Variants in RIBC2 observed in about 807,000 individuals in gnomAD.
RIBC2 encodes RIB43A-like with coiled-coils protein 2.
RIBC2 carries 40 observed loss-of-function variants against 44.3 expected under a neutral mutation model. The observed-to-expected ratio is 0.90, with a 90% confidence interval of 0.70 to 1.18. The LOEUF (loss-of-function observed/expected upper bound fraction) is 1.18. Ranked by LOEUF, RIBC2 falls within the 50% of genes most tolerant of loss-of-function variation. The pLI, the probability that RIBC2 is intolerant of heterozygous loss-of-function variation, is 0.00. For synonymous variants in RIBC2, 171 were observed against 175.0 expected (o/e 0.98, Z 0.18); for missense variants, 459 against 485.5 (o/e 0.95, Z 0.51).
chr22:45,427,737 C>T (rs934573637), intron 5 of RIBC2, among the ~76,000 whole-genome samples: 4 of 152,248 alleles, frequency 2.6e-5, no homozygotes, highest in South Asian at 2.1e-4. Flanking sequence ...TGAGTTCAAG[C>T]GATTCTCCTG....
At chr22:45,429,435 G>A (rs1050192719) in intron 5 of RIBC2, among the ~76,000 whole-genome samples, 1 of 152,182 alleles carries the variant, frequency 6.6e-6, no homozygotes, top group Non-Finnish European at 1.5e-5. Flanking sequence ...AAGAGTGGGT[G>A]GAAGAGGCCA....
Position 45,426,163 on chromosome 22 carries a change from C to T in RIBC2, c.891C>T (p.Ile297=). The change falls in exon 5 of 7, where the codon ATC becomes ATT. Residue 297 remains isoleucine (I), a synonymous_variant. Coordinates refer to ENST00000614167, the MANE Select transcript of RIBC2 (RefSeq NM_015653.5). The part of the protein sequence containing the change: ...EQIRLVQKQQ[I]QEKLRLQEEK... ...TCCGCCTAGTCCAGAAGCAGCAAATCCAGGAGAAGCTGGTGACTGCCCCGC... is the reference window on the plus strand; with the variant it reads ...TCCGCCTAGTCCAGAAGCAGCAAATTCAGGAGAAGCTGGTGACTGCCCCGC... The T allele has an allele frequency of 6.2e-7, 1 of 1,613,458 alleles. No individual in the cohort carries two copies. Among genetic ancestry groups the T allele is most frequent in the East Asian group, 2.2e-5 (1 of 44,876 alleles).
intron 2 of RIBC2, among the ~76,000 whole-genome samples, chr22:45,416,554 C>T (rs530320837): frequency 2.5e-4 from 38 of 151,968 alleles, no homozygotes; most frequent in Non-Finnish European, 4.9e-4. Context: ...CTCTGCCTCC[C>T]GGGTTCAAGC....
chr22:45,425,778 G>A lies in RIBC2; in HGVS notation c.676-170G>A, dbSNP rs564882324. ...GCCCAGCAGTGCGCAGGCAGCCAGG[G>A]GTTCAAGGACCCACCCACATCCGTG... On this transcript the variant is annotated intron_variant, in intron 4 of 6. Transcript: ENST00000614167. Among the ~76,000 whole-genome samples the A allele has an allele frequency of 2.6e-5, 4 of 152,122 alleles. No homozygotes were observed. The East Asian group carries it at 5.8e-4, about 22-fold the overall frequency.
At chr22:45,421,515 TA>T (rs200698888) in intron 3 of RIBC2, among the ~76,000 whole-genome samples, 3,417 of 46,976 alleles carry the variant, frequency 0.073, 193 homozygotes, top group African/African-American at 0.34. Flanking sequence ...ATAGTATTAT[TA>T]ATAATAATAA....
chr22:45,417,141 TC>T (rs2087432837), intron 2 of RIBC2, among the ~76,000 whole-genome samples: 1 of 152,120 alleles, frequency 6.6e-6, no homozygotes, highest in African/African-American at 2.4e-5. Context: ...TCTCAGGTGA[TC>T]CGCCCACCTC....
chr22:45,414,161 T>G, intron 1 of RIBC2, 146 bp downstream of exon 1: 1 of 1,478,730 alleles, frequency 6.8e-7, no homozygotes, highest in South Asian at 1.4e-5. Context: ...ATGCTCCCTC[T>G]CGAGCTCGCC....
intron 2 of RIBC2, among the ~76,000 whole-genome samples, chr22:45,415,449 TTTTA>T (rs1387984028): frequency 6.6e-6 from 1 of 152,080 alleles, no homozygotes. Flanking sequence ...ATTTTATCTT[TTTTA>T]TTAATATTTT....
intron 2 of RIBC2, among the ~76,000 whole-genome samples, chr22:45,417,350 G>A (rs976637429): frequency 6.6e-5 from 10 of 152,040 alleles, no homozygotes; most frequent in African/African-American, 1.9e-4. Flanking sequence ...TTTTTGGAGG[G>A]TTGTATTACT....
In RIBC2 at chr22:45,432,305, C is replaced by A. The variant is rs757803429; in HGVS notation, c.1092C>A (p.Val364=). 1 of 1,585,178 alleles carries A rather than the reference C, an allele frequency of 6.3e-7. No homozygotes were observed. The highest frequency in any genetic ancestry group is 8.6e-7 in the Non-Finnish European group (1 of 1,159,020). ...QHLQKKYMNE[V]YTNQPTGDYF... ...TCAGGAAAAAATATATGAATGAAGT[C>A]TATACAAATCAACCCACGGGAGACT... is the stretch of plus-strand genomic sequence containing the variant. Residue 364 remains valine (V), a synonymous_variant, in exon 7 of 7, where the codon GTC becomes GTA. Coordinates refer to ENST00000614167, the MANE Select transcript of RIBC2 (RefSeq NM_015653.5).
Position 45,431,130 on chromosome 22 carries a change from G to A in RIBC2, c.1070+64G>A, listed in dbSNP as rs2087577023. ...GGTGGAGGGACCGCGGGGCTGTGGA[G>A]GTCAAGGACGAGGAGGGGGCAGGAG... On this transcript the variant is annotated intron_variant, in intron 6 of 6. Coordinates refer to ENST00000614167, the MANE Select transcript of RIBC2 (RefSeq NM_015653.5). 2.6e-6 allele frequency: 4 copies of A among 1,526,566 alleles called. No individual in the cohort carries two copies. In the Admixed American group the frequency reaches 6.0e-5, roughly 23 times the overall value. The allele number at this position is 1,526,566 out of a possible 1,614,324, so 94.6% of individuals were successfully genotyped here.
At chr22:45,429,554 G>A (rs1308374995) in intron 5 of RIBC2, among the ~76,000 whole-genome samples, 1 of 152,078 alleles carries the variant, frequency 6.6e-6, no homozygotes. Flanking sequence ...AGTGGGTGGG[G>A]CAGCTCGTCC....
intron 2 of RIBC2, among the ~76,000 whole-genome samples, chr22:45,416,660 C>T (rs1264890576): frequency 6.6e-6 from 1 of 151,990 alleles, no homozygotes; most frequent in Non-Finnish European, 1.5e-5. Context: ...CGGGGTTTCA[C>T]CATCTTGGCC....
chr22:45,426,463 C>T (rs987211883), intron 5 of RIBC2, among the ~76,000 whole-genome samples: 4 of 152,194 alleles, frequency 2.6e-5, no homozygotes, highest in Non-Finnish European at 5.9e-5. Flanking sequence ...GGGAAAAGGG[C>T]GACCGGGCAG....
intron 3 of RIBC2, among the ~76,000 whole-genome samples, chr22:45,419,013 C>T (rs1488035658): frequency 6.6e-6 from 1 of 152,234 alleles, no homozygotes; most frequent in Non-Finnish European, 1.5e-5. Flanking sequence ...ACACCACTCT[C>T]ACATTAGCTC....
chr22:45,431,686 AG>A (rs1761034509), intron 6 of RIBC2, among the ~76,000 whole-genome samples: 1 of 151,974 alleles, frequency 6.6e-6, no homozygotes, highest in African/African-American at 2.4e-5. Context: ...GAGTGATCTG[AG>A]GGCTGGGCTC....
At chr22:45,425,796 C>A in intron 4 of RIBC2, 152 bp from the exon 5 acceptor site, 1 of 674,886 alleles carries the variant, frequency 1.5e-6, no homozygotes, top group Non-Finnish European at 2.6e-6. Context: ...GACCCACCCA[C>A]ATCCGTGCCT....
At chr22:45,417,979 C>T (rs774198394) in intron 3 of RIBC2, 33 bp downstream of exon 3, 25 of 1,428,514 alleles carry the variant, frequency 1.8e-5, no homozygotes, top group Admixed American at 7.2e-5. Flanking sequence ...CTGGTCTCAA[C>T]GCTCTCTTCA....
At chr22:45,417,995 C>T in intron 3 of RIBC2, 49 bp downstream of exon 3, 1 of 1,234,266 alleles carries the variant, frequency 8.1e-7, no homozygotes, top group Non-Finnish European at 1.1e-6. Context: ...CTTCAACAAA[C>T]CAACCCTACA....
Sources: gnomAD v4.1 joint callset for allele counts (sites outside exome capture counted in the v4.1 genomes callset) on GRCh38, gnomAD v4.1.1 for gene constraint, MANE v1.5 for transcripts, NCBI Gene and HGNC (gene_info 2026-07-23, HGNC 2026-07-21) for gene names.